The following ATXN1 variants were observed in gnomAD, a reference collection of about 807,000 sequenced individuals.
The protein encoded by ATXN1 is ataxin 1.
Under a neutral mutation model 56.4 loss-of-function variants are expected in ATXN1, and 8 were observed. The observed-to-expected ratio is 0.14, with a 90% CI of 0.08 to 0.26. The LOEUF (loss-of-function observed/expected upper bound fraction) is 0.26, where lower values mean the gene tolerates loss of function less well. Ranked by LOEUF, ATXN1 falls within the 10% of genes least tolerant of loss-of-function variation. The probability of loss-of-function intolerance (pLI) is 1.00; values close to 1 mark genes in which losing one functional copy is unlikely to be tolerated. For synonymous variants in ATXN1, 514 were observed against 494.6 expected, an observed-to-expected ratio of 1.04 and a Z score of -0.52; for missense variants, 987 against 1,106.5, an observed-to-expected ratio of 0.89 and a Z score of 1.53.
intron 4 of ATXN1, among the ~76,000 whole-genome samples, chr6:16,531,922 G>A (rs1761512430): frequency 6.6e-6 from 1 of 152,136 alleles, no homozygotes; most frequent in African/African-American, 2.4e-5. Context: ...TCTAAAAATA[G>A]TATTTCTTAA....
At chr6:16,364,781 G>A (rs903235746) in intron 6 of ATXN1, among the ~76,000 whole-genome samples, 1 of 148,578 alleles carries the variant, frequency 6.7e-6, no homozygotes, top group Non-Finnish European at 1.5e-5. Context: ...TTATTAAACT[G>A]TTCAGGGATC....
At chr6:16,700,624 A>T (rs1581376330) in intron 2 of ATXN1, among the ~76,000 whole-genome samples, 1 of 152,052 alleles carries the variant, frequency 6.6e-6, no homozygotes, top group African/African-American at 2.4e-5. Context: ...CGACCCAAAC[A>T]ATATACCCCA....
intron 4 of ATXN1, among the ~76,000 whole-genome samples, chr6:16,563,678 C>T (rs1194056081): frequency 6.6e-6 from 1 of 151,868 alleles, no homozygotes; most frequent in Non-Finnish European, 1.5e-5. Flanking sequence ...TACACAGGTC[C>T]GGGGTGTGGC....
At chr6:16,471,564 G>A (rs1760217352) in intron 6 of ATXN1, among the ~76,000 whole-genome samples, 1 of 152,158 alleles carries the variant, frequency 6.6e-6, no homozygotes, top group Admixed American at 6.5e-5. Flanking sequence ...CTATATCATA[G>A]AGTGACACTA....
chr6:16,685,613 G>T (rs1439637666), intron 2 of ATXN1, among the ~76,000 whole-genome samples: 1 of 152,142 alleles, frequency 6.6e-6, no homozygotes, highest in African/African-American at 2.4e-5. Flanking sequence ...TACTGGCAAG[G>T]CCTTTCAGGG....
chr6:16,634,026 C>CTAT (rs954848703), intron 3 of ATXN1, among the ~76,000 whole-genome samples: 1 of 152,216 alleles, frequency 6.6e-6, no homozygotes, highest in Admixed American at 6.5e-5. Flanking sequence ...ATATGAAAGG[C>CTAT]TATTCTTCAC....
In ATXN1 at chr6:16,565,094, G is replaced by T. The variant is rs896689493; in HGVS notation, c.-361+20686C>A. Among the ~76,000 whole-genome samples, 9 of 152,290 alleles carry T rather than the reference G, an allele frequency of 5.9e-5. No homozygotes were observed. In the East Asian group the frequency reaches 1.5e-3, roughly 26 times the overall value. On this transcript the variant is annotated intron_variant, in intron 4 of 7. Coordinates refer to ENST00000436367, the MANE Select transcript of ATXN1 (RefSeq NM_001128164.2). The stretch of plus-strand genomic sequence containing the variant: ...TCTGCTTCTTTAAATCTTAGCTCCT[G>T]CATTCTGTTTCCCCATATGAGCATA...
chr6:16,514,334 G>A lies in ATXN1; in HGVS notation c.-299+8293C>T, dbSNP rs556100797. 7.9e-5 allele frequency among the ~76,000 whole-genome samples: 12 copies of A among 152,124 alleles called. No individual in the cohort carries two copies. In the South Asian group the frequency reaches 1.0e-3, roughly 13 times the overall value. On this transcript the variant is annotated intron_variant, in intron 5 of 7. Coordinates refer to ENST00000436367, the MANE Select transcript of ATXN1 (RefSeq NM_001128164.2). ...TCAGCTTGCAAGAATTTTACCAACC[G>A]GCAAGACATTACCCCTCATGTCCCA...
At chr6:16,704,622 T>A (rs943679863) in intron 2 of ATXN1, among the ~76,000 whole-genome samples, 4 of 152,240 alleles carry the variant, frequency 2.6e-5, no homozygotes, top group Non-Finnish European at 5.9e-5. Flanking sequence ...TGCACTTTTT[T>A]ACTTTTCCTT....
At chr6:16,311,785 T>A (rs1760396803) in intron 7 of ATXN1, among the ~76,000 whole-genome samples, 1 of 152,146 alleles carries the variant, frequency 6.6e-6, no homozygotes, top group African/African-American at 2.4e-5. Flanking sequence ...CCACATCAAG[T>A]GGAGATTGTT....
At chr6:16,495,872 A>C (rs1254188994) in intron 5 of ATXN1, among the ~76,000 whole-genome samples, 2 of 132,072 alleles carry the variant, frequency 1.5e-5, no homozygotes, top group African/African-American at 5.9e-5. Context: ...CTCTCTCTCA[A>C]AAAAAAAAAA....
intron 6 of ATXN1, among the ~76,000 whole-genome samples, chr6:16,449,587 G>C (rs917267087): frequency 2.0e-5 from 3 of 152,154 alleles, no homozygotes; most frequent in Admixed American, 1.3e-4. Context: ...ATTTAGGCTA[G>C]AGGAAGCTAT....
At chr6:16,741,842 A>G (rs1050982237) in intron 2 of ATXN1, among the ~76,000 whole-genome samples, 26 of 152,368 alleles carry the variant, frequency 1.7e-4, no homozygotes, top group South Asian at 1.0e-3. Flanking sequence ...AAATTAAAGA[A>G]AGTAGTCTTC....
At chr6:16,497,193 G>A (rs1193747390) in intron 5 of ATXN1, among the ~76,000 whole-genome samples, 1 of 152,006 alleles carries the variant, frequency 6.6e-6, no homozygotes, top group Admixed American at 6.6e-5. Context: ...TTTATAAAAG[G>A]CATTCAGAGC....
rs568194140 is a variant in ATXN1, at chr6:16,709,232, G to A, written c.-615+44001C>T. Among the ~76,000 whole-genome samples the A allele has an allele frequency of 7.9e-5, 12 of 151,974 alleles. No individual in the cohort carries two copies. In the South Asian group the frequency reaches 8.3e-4, roughly 11 times the overall value. ...AAACATCATTAAAAATGGAAAAGGG[G>A]ATATCACTATAAATCCTACAGACAC... On this transcript the variant is annotated intron_variant, in intron 2 of 7. Transcript: ENST00000436367.
chr6:16,336,588 G>A (rs1034115183), intron 6 of ATXN1, among the ~76,000 whole-genome samples: 3 of 152,188 alleles, frequency 2.0e-5, no homozygotes, highest in African/African-American at 7.2e-5. Context: ...GCACAGGTCG[G>A]ACGTGAGGAA....
chr6:16,392,995 C>T (rs1420855918), intron 6 of ATXN1, among the ~76,000 whole-genome samples: 1 of 152,196 alleles, frequency 6.6e-6, no homozygotes. Flanking sequence ...GGTCACATGG[C>T]TCCCCTTAAT....
intron 2 of ATXN1, among the ~76,000 whole-genome samples, chr6:16,743,587 A>G (rs1760417719): frequency 6.6e-6 from 1 of 152,234 alleles, no homozygotes; most frequent in African/African-American, 2.4e-5. Context: ...TACTGGAAAG[A>G]GGGCAGTCCC....
chr6:16,734,890 T>C (rs1760077194), intron 2 of ATXN1, among the ~76,000 whole-genome samples: 1 of 152,186 alleles, frequency 6.6e-6, no homozygotes, highest in Admixed American at 6.5e-5. Context: ...GGACATCCAG[T>C]TGATGGTAAT....
Sources: gnomAD v4.1 joint callset for allele counts (sites outside exome capture counted in the v4.1 genomes callset) on GRCh38, gnomAD v4.1.1 for gene constraint, MANE v1.5 for transcripts, NCBI Gene and HGNC (gene_info 2026-07-23, HGNC 2026-07-21) for gene names.